UNKL: variants seen among roughly 807,000 people sequenced by gnomAD.
UNKL encodes the protein unk like zinc finger, also known as putative E3 ubiquitin-protein ligase UNKL.
A neutral mutation model predicts 78.0 loss-of-function variants in UNKL; 60 were observed. The ratio of observed to expected loss-of-function variants is 0.77; its 90% CI spans 0.63 to 0.95. The LOEUF (loss-of-function observed/expected upper bound fraction) is 0.95, where lower values mean the gene tolerates loss of function less well. Ranked by LOEUF, UNKL falls within the 40% of genes least tolerant of loss-of-function variation. The probability of loss-of-function intolerance (pLI) is 0.00; values close to 1 mark genes in which losing one functional copy is unlikely to be tolerated. For synonymous variants in UNKL, 608 were observed against 474.8 expected, an observed-to-expected ratio of 1.28 and a Z score of -3.65; for missense variants, 1,159 against 1,045.7, an observed-to-expected ratio of 1.11 and a Z score of -1.49.
At chr16:1,402,322 G>C (rs994574148) in intron 3 of UNKL, among the ~76,000 whole-genome samples, 1 of 152,224 alleles carries the variant, frequency 6.6e-6, no homozygotes, top group Non-Finnish European at 1.5e-5. Flanking sequence ...TCCGGGCCCA[G>C]AAGAGAAACA....
At chr16:1,376,706 A>ACCC (rs34842051) in intron 10 of UNKL, among the ~76,000 whole-genome samples, 5 of 151,658 alleles carry the variant, frequency 3.3e-5, no homozygotes, top group African/African-American at 1.2e-4. Context: ...ACATTCCAAG[A>ACCC]CCCCCCCATG....
At chr16:1,409,326 A>G (rs1387864125) in intron 2 of UNKL, among the ~76,000 whole-genome samples, 1 of 152,180 alleles carries the variant, frequency 6.6e-6, no homozygotes, top group African/African-American at 2.4e-5. Flanking sequence ...CAGAACGGGT[A>G]CTTCAATAGG....
chr16:1,380,576 G>A (rs1447053623), intron 10 of UNKL, among the ~76,000 whole-genome samples: 1 of 146,840 alleles, frequency 6.8e-6, no homozygotes, highest in Admixed American at 6.8e-5. Flanking sequence ...AATTTCAGCC[G>A]CAGCAGCAGC....
intron 5 of UNKL, chr16:1,398,509 G>A (rs1016882129): frequency 5.0e-5 from 64 of 1,282,766 alleles, no homozygotes; most frequent in Non-Finnish European, 5.8e-5. Context: ...AACAAGGAGT[G>A]GGGCGTCCTT....
chr16:1,392,425 C>T (rs1458425614), intron 8 of UNKL, among the ~76,000 whole-genome samples: 1 of 150,872 alleles, frequency 6.6e-6, no homozygotes, highest in Non-Finnish European at 1.5e-5. Context: ...AGAAGCCCAA[C>T]CCCCTCTTCC....
intron 4 of UNKL, 159 bp downstream of exon 4, chr16:1,401,408 CT>C: frequency 1.1e-6 from 1 of 941,480 alleles, no homozygotes. Context: ...CACCCACCCC[CT>C]GTTGGGGAGG....
chr16:1,398,392 C>A, intron 5 of UNKL: 1 of 1,024,170 alleles, frequency 9.8e-7, no homozygotes, highest in Non-Finnish European at 1.2e-6. Flanking sequence ...ATTTTCTTTC[C>A]ATGACGGGCG....
chr16:1,412,005 G>A (rs2038061738), intron 2 of UNKL: 1 of 152,144 alleles, frequency 6.6e-6, no homozygotes, highest in African/African-American at 2.4e-5. Context: ...TCAACAGGAA[G>A]GTCCCTGGAG....
intron 10 of UNKL, among the ~76,000 whole-genome samples, chr16:1,380,943 G>A (rs1292467569): frequency 6.6e-6 from 1 of 152,122 alleles, no homozygotes; most frequent in Admixed American, 6.5e-5. Context: ...CCAAAGTGCT[G>A]GGATTACAGG....
At chr16:1,393,816 G>T (rs2037148154) in intron 7 of UNKL, among the ~76,000 whole-genome samples, 1 of 152,212 alleles carries the variant, frequency 6.6e-6, no homozygotes, top group South Asian at 2.1e-4. Flanking sequence ...CAGGAGGCAG[G>T]TGGAGGTGCC....
chr16:1,399,453 G>C lies in UNKL; in HGVS notation c.655C>G (p.Leu219Val). ...GGGCACGCATAGCCCTGGCGGCACA[G>C]GCGTGGCGGCTTCGGGCACTGCTCC... Reference protein sequence around the residue: ...KTEQCPKPPRLCRQGYACPHY... With the variant: ...KTEQCPKPPRVCRQGYACPHY... The change falls in exon 5 of 15, where the codon CTG becomes GTG. Residue 219 changes from leucine (L) to valine (V), a missense_variant. By Grantham distance (32) the Leu-to-Val change is conservative. Transcript: ENST00000389221. This position sits in a 1 kb window ranked among gnomAD's most constrained non-coding sequence, Gnocchi z 5.8. 2 of 1,603,898 alleles carry C rather than the reference G, an allele frequency of 1.2e-6. No homozygotes were observed. Among genetic ancestry groups the C allele is most frequent in the South Asian group, 2.2e-5 (2 of 89,444 alleles).
At position 1,366,271 on chromosome 16, in the gene UNKL, G is replaced by A. The variant is rs750386164; in HGVS notation, c.2171C>T (p.Pro724Leu). 1.1e-5 allele frequency: 17 copies of A among 1,589,860 alleles called. No individual in the cohort carries two copies. The highest frequency in any genetic ancestry group is 1.4e-5 in the Non-Finnish European group (16 of 1,169,554). Residue 724 changes from proline (P) to leucine (L), a missense_variant, in exon 15 of 15, where the codon CCC (proline) becomes CTC (leucine). Transcript: ENST00000389221. ...CTGCAGGGGCTGGCCCTTGCAGTAG[G>A]GGCACTCAGGTGCGGTGGCCGCACA... The part of the protein sequence containing the change: ...EPCAATAPEC[P>L]YCKGQPLQW
At chr16:1,394,414 G>A in intron 6 of UNKL, 199 bp from the exon 7 acceptor site, 1 of 710,824 alleles carries the variant, frequency 1.4e-6, no homozygotes, top group Admixed American at 2.0e-5. Context: ...CGACCCACAG[G>A]GAACACGCAC....
At chr16:1,408,157 G>C (rs1048490061) in intron 2 of UNKL, among the ~76,000 whole-genome samples, 6 of 152,164 alleles carry the variant, frequency 3.9e-5, no homozygotes, top group Non-Finnish European at 7.4e-5. Context: ...GTCCCGCGGG[G>C]CGCCTTTTCT....
rs112578064 is a variant in UNKL, at chr16:1,367,772, G to C, written c.1672C>G (p.Pro558Ala). ...SPSPILSAGP[P>A]SSSSASPNGA... ...TTTGGACTTGCACTCGAAGAGGATG[G>C]GGGGCCGGCACTCAGGATGGGGGAG... The change falls in exon 13 of 15, where the codon CCA becomes GCA. Residue 558 changes from proline (P) to alanine (A), a missense_variant. Pro to Ala is a conservative substitution (Grantham distance 27). Coordinates refer to ENST00000389221, the MANE Select transcript of UNKL (RefSeq NM_001372107.1). The C allele has an allele frequency of 1.8e-5, 29 of 1,573,412 alleles. 1 individual carries two copies. Among genetic ancestry groups the C allele is most frequent in the Admixed American group, 1.3e-4 (7 of 53,972 alleles).
Position 1,413,939 on chromosome 16 carries a change from G to A in UNKL, c.194C>T (p.Pro65Leu). ...GAAGGTGCCGTCGCGCCTGCGGAGG[G>A]GCCTGCGGCGCCGCTGGTTGAGGAA... The part of the protein sequence containing the change: ...WHFLNQRRRR[P>L]LRRRDGTFNY... Residue 65 changes from proline (P) to leucine (L), a missense_variant, in exon 2 of 15, where the codon CCC becomes CTC. Pro to Leu is a moderately conservative substitution (Grantham distance 98, BLOSUM62 -3). Transcript: ENST00000389221. 1.3e-6 allele frequency: 2 copies of A among 1,554,008 alleles called. No individual in the cohort carries two copies. Among genetic ancestry groups the A allele is most frequent in the Non-Finnish European group, 1.7e-6 (2 of 1,148,916 alleles).
At chr16:1,380,555 G>A (rs1033394605) in intron 10 of UNKL, among the ~76,000 whole-genome samples, 1 of 149,868 alleles carries the variant, frequency 6.7e-6, no homozygotes, top group African/African-American at 2.5e-5. Context: ...GCACTGGGTG[G>A]CAAAGCTCAC....
intron 11 of UNKL, 38 bp downstream of exon 11, chr16:1,371,481 G>T: frequency 1.3e-6 from 2 of 1,528,778 alleles, no homozygotes; most frequent in South Asian, 1.2e-5. Flanking sequence ...CTGTTCAGCG[G>T]CTGGAGGAGC....
chr16:1,385,112 C>T (rs996235991), intron 10 of UNKL, 96 bp downstream of exon 10: 1 of 1,005,908 alleles, frequency 9.9e-7, no homozygotes, highest in Admixed American at 4.3e-5. Flanking sequence ...AATGACGATT[C>T]TGTAACATGT....
Sources: allele counts gnomAD v4.1 joint callset (sites outside exome capture counted in the v4.1 genomes callset), GRCh38; gene constraint gnomAD v4.1.1; non-coding constraint Gnocchi (gnomAD v3.1); transcripts MANE v1.5; gene names NCBI Gene and HGNC (gene_info 2026-07-23, HGNC 2026-07-21).